Variants in DLGAP2 observed in about 807,000 individuals in gnomAD.
DLGAP2 encodes disks large-associated protein 2.
Under a neutral mutation model 100.3 loss-of-function variants are expected in DLGAP2, and 26 were observed. The observed-to-expected ratio is 0.26, with a 90% CI of 0.19 to 0.36. The LOEUF is 0.36. DLGAP2 is among the 10% of genes least tolerant of loss of function. DLGAP2 has a pLI of 1.00. For missense variants in DLGAP2, 1,858 were observed against 1,453.2 expected (o/e 1.28, Z -4.53); for synonymous variants, 886 against 630.1 (o/e 1.41, Z -6.08).
intron 5 of DLGAP2, among the ~76,000 whole-genome samples, chr8:1,564,799 G>C (rs367812071): frequency 6.6e-6 from 1 of 152,174 alleles, no homozygotes; most frequent in Non-Finnish European, 1.5e-5. Context: ...AACAAGCACA[G>C]GTGGTCAGCT....
At chr8:1,242,937 TGATA>T (rs67904422) in intron 2 of DLGAP2, among the ~76,000 whole-genome samples, 111,971 of 151,748 alleles carry the variant, frequency 0.74, 41,365 homozygotes, top group Middle Eastern at 0.89. Flanking sequence ...GTGGATGGAT[TGATA>T]GATGGATGGA....
At chr8:1,581,274 AGAAG>A (rs1803240821) in intron 6 of DLGAP2, among the ~76,000 whole-genome samples, 1 of 149,156 alleles carries the variant, frequency 6.7e-6, no homozygotes, top group African/African-American at 2.5e-5. Context: ...CTACCAGAAG[AGAAG>A]GATACAGACA....
At chr8:1,112,533 C>G (rs1804993432) in intron 2 of DLGAP2, among the ~76,000 whole-genome samples, 1 of 152,082 alleles carries the variant, frequency 6.6e-6, no homozygotes. Context: ...AGCCACCGCG[C>G]CCGGGCGTCC....
intron 2 of DLGAP2, among the ~76,000 whole-genome samples, chr8:1,071,811 A>G (rs1047520109): frequency 3.3e-5 from 5 of 152,208 alleles, no homozygotes; most frequent in Admixed American, 2.6e-4. Context: ...AAAGAAATAT[A>G]CTTAATCACC....
At chr8:1,278,687 C>T (rs1056798255) in intron 3 of DLGAP2, among the ~76,000 whole-genome samples, 1 of 152,158 alleles carries the variant, frequency 6.6e-6, no homozygotes, top group Non-Finnish European at 1.5e-5. Flanking sequence ...GTGTGACCCT[C>T]TTATCTATAT....
At chr8:1,192,014 G>T (rs1398458062) in intron 2 of DLGAP2, among the ~76,000 whole-genome samples, 1 of 152,170 alleles carries the variant, frequency 6.6e-6, no homozygotes. Context: ...GTGAGTTCCG[G>T]TTACCTTGTA....
Position 1,609,036 on chromosome 8 carries a change from A to G in DLGAP2, c.1443-17704A>G, listed in dbSNP as rs1192723535. Among the ~76,000 whole-genome samples, 4 of 148,014 alleles carry G rather than the reference A, an allele frequency of 2.7e-5. No homozygotes were observed. In the East Asian group the frequency reaches 8.5e-4, roughly 32 times the overall value. ...CAACATTCAGATTCAGGAAATACAG[A>G]GAACGCCACAAAGATACTCCTCGAG... is the stretch of plus-strand genomic sequence containing the variant. On this transcript the variant is annotated intron_variant, in intron 6 of 14. Transcript: ENST00000637795.
intron 2 of DLGAP2, among the ~76,000 whole-genome samples, chr8:1,219,596 C>T (rs991720792): frequency 5.9e-5 from 9 of 152,006 alleles, no homozygotes; most frequent in African/African-American, 2.2e-4. Flanking sequence ...TGTATCTCTG[C>T]CAGGTTTTGG....
chr8:1,457,753 C>G (rs1443882980), intron 3 of DLGAP2, among the ~76,000 whole-genome samples: 1 of 151,926 alleles, frequency 6.6e-6, no homozygotes, highest in East Asian at 1.9e-4. Flanking sequence ...TCCCCCGTCC[C>G]ACGCCTCCCC....
At chr8:1,694,784 G>A (rs982022787) in intron 13 of DLGAP2, among the ~76,000 whole-genome samples, 6 of 152,154 alleles carry the variant, frequency 3.9e-5, no homozygotes, top group East Asian at 1.9e-4. Flanking sequence ...TTTAAAAGAC[G>A]GCAATTTCAC....
At chr8:1,423,824 G>A (rs940354341) in intron 3 of DLGAP2, among the ~76,000 whole-genome samples, 2 of 152,202 alleles carry the variant, frequency 1.3e-5, no homozygotes, top group Non-Finnish European at 2.9e-5. Context: ...AGAAATTCGA[G>A]CAGGTTAATC....
At chr8:1,408,687 T>C (rs994028827) in intron 3 of DLGAP2, among the ~76,000 whole-genome samples, 2 of 152,182 alleles carry the variant, frequency 1.3e-5, no homozygotes, top group African/African-American at 4.8e-5. Context: ...AGCAAGTCCT[T>C]GTTTCAGGCT....
chr8:839,848 C>G (rs1585918813), intron 1 of DLGAP2, among the ~76,000 whole-genome samples: 2 of 152,234 alleles, frequency 1.3e-5, no homozygotes, highest in Non-Finnish European at 2.9e-5. Flanking sequence ...CTCTTTTGAT[C>G]CACGGCCTCT....
At chr8:1,477,630 C>T (rs1006119518) in intron 3 of DLGAP2, among the ~76,000 whole-genome samples, 1 of 152,190 alleles carries the variant, frequency 6.6e-6, no homozygotes, top group Non-Finnish European at 1.5e-5. Flanking sequence ...TGATAAACAG[C>T]CTCCTTCTGC....
At chr8:1,304,033 A>G (rs143458066) in intron 3 of DLGAP2, among the ~76,000 whole-genome samples, 1 of 152,346 alleles carries the variant, frequency 6.6e-6, no homozygotes, top group African/African-American at 2.4e-5. Flanking sequence ...CCTTTTCCAG[A>G]CAGCTCATTT....
chr8:1,447,725 T>G (rs1453008973), intron 3 of DLGAP2, among the ~76,000 whole-genome samples: 5 of 152,236 alleles, frequency 3.3e-5, no homozygotes, highest in Admixed American at 6.5e-5. Context: ...CTGGACTTTT[T>G]TTGGTTGGTA....
intron 2 of DLGAP2, among the ~76,000 whole-genome samples, chr8:1,011,755 T>C (rs971348106): frequency 2.0e-4 from 31 of 151,666 alleles, no homozygotes; most frequent in African/African-American, 7.0e-4. Context: ...GTCTGCACAG[T>C]GGGCCCTGGA....
At chr8:1,421,710 A>C (rs1797091754) in intron 3 of DLGAP2, among the ~76,000 whole-genome samples, 1 of 152,238 alleles carries the variant, frequency 6.6e-6, no homozygotes, top group Non-Finnish European at 1.5e-5. Flanking sequence ...TCACGCCTGT[A>C]ATCCCAGCAC....
At chr8:1,437,925 G>T (rs968834120) in intron 3 of DLGAP2, among the ~76,000 whole-genome samples, 2 of 152,036 alleles carry the variant, frequency 1.3e-5, no homozygotes, top group Middle Eastern at 3.4e-3. Context: ...GATGGAGGTT[G>T]CAGTGAACCG....
Sources: allele counts gnomAD v4.1 joint callset (sites outside exome capture counted in the v4.1 genomes callset), GRCh38; gene constraint gnomAD v4.1.1; transcripts MANE v1.5; gene names NCBI Gene and HGNC (gene_info 2026-07-23, HGNC 2026-07-21).